Variants in FAAH2 observed in about 807,000 individuals in gnomAD.
The protein encoded by FAAH2 is fatty acid amide hydrolase 2.
In FAAH2, 60 loss-of-function variants were observed where a neutral mutation model predicts 36.9. The ratio of observed to expected loss-of-function variants is 1.63; its 90% CI spans 1.32 to 2.02. FAAH2 has a LOEUF of 2.02. Among genes scored for constraint, FAAH2 ranks in the 30% most tolerant of loss-of-function variants. The probability of loss-of-function intolerance (pLI) is 0.00; values close to 1 mark genes in which losing one functional copy is unlikely to be tolerated. For synonymous variants in FAAH2, 214 were observed against 143.8 expected, an observed-to-expected ratio of 1.49 and a Z score of -3.49; for missense variants, 689 against 397.5, an observed-to-expected ratio of 1.73 and a Z score of -6.23.
chrX:57,237,850 G>T, the FAAH2 span, among the ~76,000 whole-genome samples: 1 of 110,822 alleles, frequency 9.0e-6, no homozygotes, highest in Non-Finnish European at 1.9e-5. Flanking sequence ...GACATGAACA[G>T]ACACTTTTCA....
the FAAH2 span, among the ~76,000 whole-genome samples, chrX:57,163,379 T>G: frequency 8.9e-6 from 1 of 112,028 alleles, no homozygotes; most frequent in Admixed American, 9.4e-5. Flanking sequence ...TGAGCTGTGG[T>G]GGGCTCCACC....
the FAAH2 span, among the ~76,000 whole-genome samples, chrX:57,237,287 G>A: frequency 9.0e-6 from 1 of 111,033 alleles, no homozygotes; most frequent in East Asian, 2.8e-4. Context: ...AGTCAGGTAA[G>A]GTGATGCCTC....
intron 7 of FAAH2, among the ~76,000 whole-genome samples, chrX:57,415,181 C>T (rs1476675293): frequency 9.1e-6 from 1 of 109,696 alleles, no homozygotes; most frequent in Non-Finnish European, 1.9e-5. Flanking sequence ...AAAAAAACAG[C>T]TCCTGGATTC....
chrX:57,318,114 A>G (rs1327109730), intron 3 of FAAH2, among the ~76,000 whole-genome samples: 2 of 111,715 alleles, frequency 1.8e-5, no homozygotes, highest in African/African-American at 6.5e-5. Context: ...TAGAGAAGCA[A>G]GAGCAAACAA....
chrX:57,123,578 G>A, the FAAH2 span, among the ~76,000 whole-genome samples: 6 of 112,001 alleles, frequency 5.4e-5, no homozygotes, highest in African/African-American at 3.2e-5. Flanking sequence ...GAATCGCCAC[G>A]CTGACTTCCA....
the FAAH2 span, among the ~76,000 whole-genome samples, chrX:57,241,100 T>C: frequency 8.9e-6 from 1 of 112,379 alleles, no homozygotes; most frequent in African/African-American, 3.2e-5. Context: ...CAAGAAGCTC[T>C]TTCTGCTAGC....
chrX:57,449,478 C>A (rs1400118412), intron 10 of FAAH2, among the ~76,000 whole-genome samples: 1 of 112,005 alleles, frequency 8.9e-6, no homozygotes, highest in Non-Finnish European at 1.9e-5. Context: ...TCAGGGTAAT[C>A]TATGCCTTGC....
the FAAH2 span, among the ~76,000 whole-genome samples, chrX:57,222,114 A>G: frequency 5.4e-5 from 6 of 111,387 alleles, no homozygotes; most frequent in Admixed American, 9.5e-5. Context: ...AGAGCTCACA[A>G]CCGACCACAT....
intron 2 of FAAH2, among the ~76,000 whole-genome samples, chrX:57,300,475 C>T (rs1170241028): frequency 8.9e-6 from 1 of 112,243 alleles, no homozygotes; most frequent in African/African-American, 3.2e-5. Flanking sequence ...GGATTAAAGA[C>T]TTACATGTCA....
intron 10 of FAAH2, among the ~76,000 whole-genome samples, chrX:57,476,292 C>T (rs776500619): frequency 6.3e-5 from 7 of 111,028 alleles, no homozygotes; most frequent in Non-Finnish European, 1.3e-4. Flanking sequence ...AAAGGGAATG[C>T]TTCCAGCTTT....
the FAAH2 span, among the ~76,000 whole-genome samples, chrX:57,123,124 G>T: frequency 9.0e-6 from 1 of 111,198 alleles, no homozygotes; most frequent in Non-Finnish European, 1.9e-5. Flanking sequence ...TTTACATTAG[G>T]TATATCTCCT....
In FAAH2 at chrX:57,489,049, T is replaced by C; in HGVS notation, c.*117T>C. ...GCAGAGAAACAACTGGGGAATTTAT[T>C]GACTCATTTAGTTATTCTTTCTACT... On this transcript the variant is annotated 3_prime_UTR_variant, in exon 11 of 11. Transcript: ENST00000374900. 2 of 748,455 alleles carry C rather than the reference T, an allele frequency of 2.7e-6. No individual in the cohort carries two copies. The highest frequency in any genetic ancestry group is 3.7e-6 in the Non-Finnish European group (2 of 534,860). The allele number at this position is 748,455 out of a possible 1,213,427, so 61.7% of individuals were successfully genotyped here.
chrX:57,464,395 C>G (rs2057012792), intron 10 of FAAH2, among the ~76,000 whole-genome samples: 2 of 109,682 alleles, frequency 1.8e-5, no homozygotes, highest in South Asian at 7.8e-4. Context: ...GCACATTCAT[C>G]ACATGCATCC....
the FAAH2 span, among the ~76,000 whole-genome samples, chrX:57,215,906 C>CAT: frequency 0.031 from 2,811 of 89,369 alleles, 51 homozygotes; most frequent in South Asian, 0.057. Flanking sequence ...CCATGGCACT[C>CAT]ATATATATAT....
Position 57,331,582 on chromosome X carries a change from T to C in FAAH2, c.413-16T>C, listed in dbSNP as rs377198767. 17 of 1,185,985 alleles carry C rather than the reference T, an allele frequency of 1.4e-5. No homozygotes were observed. The African/African-American group carries it at 3.0e-4, about 21-fold the overall frequency. On this transcript the variant is annotated splice_polypyrimidine_tract_variant and intron_variant, in intron 3 of 10. Coordinates refer to ENST00000374900, the MANE Select transcript of FAAH2 (RefSeq NM_174912.4). The stretch of plus-strand genomic sequence containing the variant: ...ATTTAATAATTTTTAAACATTCTTT[T>C]CTGTGACTCTTTTAGGAATGCCCAA...
At chrX:57,324,666 C>A (rs2053153364) in intron 3 of FAAH2, among the ~76,000 whole-genome samples, 1 of 111,983 alleles carries the variant, frequency 8.9e-6, no homozygotes, top group African/African-American at 3.3e-5. Context: ...TATAAGAATG[C>A]TTGTGATTTT....
chrX:57,138,841 T>C, the FAAH2 span, among the ~76,000 whole-genome samples: 1 of 112,258 alleles, frequency 8.9e-6, no homozygotes, highest in East Asian at 2.8e-4. Flanking sequence ...TATATATCTG[T>C]TGTCCATTTG....
rs559792539 is a variant in FAAH2, at chrX:57,398,662, G to T, written c.996+17633G>T. Among the ~76,000 whole-genome samples, 54 of 110,592 alleles carry T rather than the reference G, an allele frequency of 4.9e-4. No individual in the cohort carries two copies. The South Asian group carries it at 0.02, about 42-fold the overall frequency. ...CTCAAATGTCTAGGTTTTATATCCC[G>T]ATCATTGTCCCTCCCTCTGTGCTCT... On this transcript the variant is annotated intron_variant, in intron 7 of 10. Transcript: ENST00000374900.
intron 10 of FAAH2, among the ~76,000 whole-genome samples, chrX:57,450,265 G>A (rs1262879987): frequency 9.2e-6 from 1 of 109,119 alleles, no homozygotes; most frequent in East Asian, 2.9e-4. Flanking sequence ...CTGCAATTTA[G>A]CAAGTATCTA....
Sources: allele counts gnomAD v4.1 joint callset (sites outside exome capture counted in the v4.1 genomes callset), GRCh38; gene constraint gnomAD v4.1.1; transcripts MANE v1.5; gene names NCBI Gene and HGNC (gene_info 2026-07-23, HGNC 2026-07-21).